Variants in ANKHD1 observed in about 807,000 individuals in gnomAD.
The protein encoded by ANKHD1 is ankyrin repeat and KH domain-containing protein 1.
ANKHD1 carries 31 observed loss-of-function variants against 230.5 expected under a neutral mutation model. That is an observed-to-expected ratio of 0.13 (90% CI 0.10 to 0.18). ANKHD1 has a LOEUF of 0.18. ANKHD1 is among the 10% of genes least tolerant of loss of function. The probability of loss-of-function intolerance (pLI) is 1.00; values close to 1 mark genes in which losing one functional copy is unlikely to be tolerated. For missense variants in ANKHD1, 2,256 were observed against 3,071.3 expected (o/e 0.73, Z 6.27); for synonymous variants, 1,074 against 1,117.6 (o/e 0.96, Z 0.78).
chr5:140,476,207 TA>T (rs1357988942), intron 10 of ANKHD1, among the ~76,000 whole-genome samples: 1 of 151,590 alleles, frequency 6.6e-6, no homozygotes, highest in East Asian at 1.9e-4. Flanking sequence ...AGTAAAGAGA[TA>T]GAAAATATGA....
Position 140,529,655 on chromosome 5 carries a change from G to GTTT in ANKHD1, c.6711_6712insTTT (p.Val2237_Ala2238insPhe), listed in dbSNP as rs1425821774. 42 of 1,614,226 alleles carry GTTT rather than the reference G, an allele frequency of 2.6e-5. No homozygotes were observed. The highest frequency in any genetic ancestry group is 3.6e-5 in the Non-Finnish European group (42 of 1,180,038). ...GGGAGATGGTCCACTGTCCTCACGA[G>GTTT]TTGCTACAGATGCCTCTTTCACTGT... On this transcript the variant is annotated inframe_insertion, in exon 29 of 34. Transcript: ENST00000360839.
At chr5:140,525,519 G>A (rs1753563096) in intron 25 of ANKHD1, among the ~76,000 whole-genome samples, 1 of 152,144 alleles carries the variant, frequency 6.6e-6, no homozygotes, top group African/African-American at 2.4e-5. Flanking sequence ...ACCTGCCTTG[G>A]CCTCCCACAG....
rs903415039 is a variant in ANKHD1 at position 140,529,281 on chromosome 5, T to C, written c.6335T>C (p.Met2112Thr). The C allele has an allele frequency of 6.2e-7, 1 of 1,614,092 alleles. No individual in the cohort carries two copies. Among genetic ancestry groups the C allele is most frequent in the Non-Finnish European group, 8.5e-7 (1 of 1,180,040 alleles). ...PAPLTLTSPR[M>T]VAADNQDTSN... ...CCATTGACTTTGACATCACCCAGAA[T>C]GGTTGCTGCTGATAATCAGGACACC... Residue 2112 changes from methionine (M) to threonine (T), a missense_variant, in exon 29 of 34, where the codon ATG (methionine) becomes ACG (threonine). Met to Thr is a moderately conservative substitution (Grantham distance 81). Coordinates refer to ENST00000360839, the MANE Select transcript of ANKHD1 (RefSeq NM_017747.3).
intron 2 of ANKHD1, among the ~76,000 whole-genome samples, chr5:140,436,760 A>G (rs72798875): frequency 2.0e-3 from 306 of 152,208 alleles, no homozygotes; most frequent in Non-Finnish European, 3.1e-3. Flanking sequence ...AAAAAAAAAA[A>G]AGATAATCAG....
At chr5:140,409,074 C>T (rs1378240362) in intron 1 of ANKHD1, among the ~76,000 whole-genome samples, 2 of 152,102 alleles carry the variant, frequency 1.3e-5, no homozygotes, top group Non-Finnish European at 1.5e-5. Flanking sequence ...CAAATGTCTC[C>T]TAGGGACAAA....
At chr5:140,426,318 A>G (rs1772402913) in intron 1 of ANKHD1, among the ~76,000 whole-genome samples, 1 of 151,988 alleles carries the variant, frequency 6.6e-6, no homozygotes, top group African/African-American at 2.4e-5. Context: ...TGGTAGAGAC[A>G]GGATTTTGCC....
chr5:140,537,729 A>G (rs1754145135), intron 31 of ANKHD1, 140 bp downstream of exon 31: 2 of 1,317,266 alleles, frequency 1.5e-6, no homozygotes, highest in African/African-American at 1.5e-5. Context: ...GGGTGTTTAT[A>G]TCTTTGAGGA....
intron 30 of ANKHD1, among the ~76,000 whole-genome samples, chr5:140,536,175 C>T (rs1399792978): frequency 2.0e-5 from 3 of 152,342 alleles, no homozygotes; most frequent in East Asian, 3.9e-4. Flanking sequence ...TTCACTCCAC[C>T]TTCTGCCTCC....
intron 14 of ANKHD1, 146 bp from the exon 15 acceptor site, chr5:140,496,374 C>G: frequency 1.2e-6 from 1 of 807,226 alleles, no homozygotes; most frequent in Non-Finnish European, 1.8e-6. Flanking sequence ...TCTGAACATT[C>G]ATTCTATAAC....
Position 140,441,154 on chromosome 5 carries a change from A to T in ANKHD1, c.913+12A>T. 6.5e-7 allele frequency: 1 copy of T among 1,545,940 alleles called. No individual in the cohort carries two copies. Among genetic ancestry groups the T allele is most frequent in the Non-Finnish European group, 8.7e-7 (1 of 1,149,886 alleles). On this transcript the variant is annotated intron_variant, in intron 5 of 33. Transcript: ENST00000360839. ...CCAGTCTGCAACAGGTATGTAGAAA[A>T]TGATGTATTAATTGGGAGAAAAAAT...
At chr5:140,514,176 T>C in intron 24 of ANKHD1, among the ~76,000 whole-genome samples, 3 of 132,036 alleles carry the variant, frequency 2.3e-5, no homozygotes, top group Admixed American at 8.2e-5. Context: ...AGATCGAGAC[T>C]CTCTCTCTAT....
chr5:140,489,201 AAAAC>A (rs1382588102), intron 14 of ANKHD1, among the ~76,000 whole-genome samples: 1 of 151,940 alleles, frequency 6.6e-6, no homozygotes, highest in Non-Finnish European at 1.5e-5. Flanking sequence ...AAAAAAAAAA[AAAAC>A]CAGAAAAAGA....
Position 140,449,251 on chromosome 5 carries a change from A to C in ANKHD1, c.1188A>C (p.Ala396=). 1 of 1,613,834 alleles carries C rather than the reference A, an allele frequency of 6.2e-7. No individual in the cohort carries two copies. Among genetic ancestry groups the C allele is most frequent in the Non-Finnish European group, 8.5e-7 (1 of 1,179,830 alleles). The change falls in exon 7 of 34, where the codon GCA becomes GCC. Residue 396 remains alanine (A), a synonymous_variant. Coordinates refer to ENST00000360839, the MANE Select transcript of ANKHD1 (RefSeq NM_017747.3). ...TTCGCTTTCTACTTGAAGCTGGTGC[A>C]GATCAAGAGCACAAAACAGATGAGA... The part of the protein sequence containing the change: ...DMVRFLLEAG[A]DQEHKTDEMH...
Position 140,464,760 on chromosome 5 carries a change from A to G in ANKHD1, c.1766A>G (p.Gln589Arg). The G allele has an allele frequency of 6.2e-7, 1 of 1,603,782 alleles. No homozygotes were observed. The highest frequency in any genetic ancestry group is 8.5e-7 in the Non-Finnish European group (1 of 1,172,830). Residue 589 changes from glutamine to arginine, a missense_variant, in exon 10 of 34, where the codon CAA (glutamine) becomes CGA (arginine). This residue lies in a region of ANKHD1 where 179 missense variants were observed against 261.8 expected (regional missense o/e 0.68). Transcript: ENST00000360839. ...ACGGATGTTGCAGATGTTTTACTTC[A>G]AGCAGGGGCTGATTTAGTAAGATAT... Reference protein sequence around the residue: ...GHTDVADVLLQAGADLEHESE... With the variant: ...GHTDVADVLLRAGADLEHESE...
In ANKHD1 at chr5:140,528,858, C is replaced by T; in HGVS notation, c.5912C>T (p.Pro1971Leu). The T allele has an allele frequency of 1.2e-6, 2 of 1,614,074 alleles. No individual in the cohort carries two copies. The highest frequency in any genetic ancestry group is 1.1e-5 in the South Asian group (1 of 91,076). The change falls in exon 29 of 34, where the codon CCT becomes CTT. Residue 1971 changes from proline (P) to leucine (L), a missense_variant. Physicochemically the swap from Pro to Leu is moderately conservative, Grantham distance 98. This residue lies in a region of ANKHD1 where 778 missense variants were observed against 966.5 expected (regional missense o/e 0.80). Transcript: ENST00000360839. ...QLFACVPKTS[P>L]PATVISSVTS... ...TTTGCCTGTGTGCCTAAGACAAGTC[C>T]TCCAGCAACAGTGATTTCTTCTGTG...
At chr5:140,458,526 TCTTC>T in intron 7 of ANKHD1, 95 bp from the exon 8 acceptor site, 1 of 1,270,942 alleles carries the variant, frequency 7.9e-7, no homozygotes, top group Non-Finnish European at 1.1e-6. Flanking sequence ...TTGTCTTTTT[TCTTC>T]CTTTTTCCAA....
At chr5:140,445,391 C>T (rs902849257) in intron 5 of ANKHD1, among the ~76,000 whole-genome samples, 1 of 152,100 alleles carries the variant, frequency 6.6e-6, no homozygotes, top group Non-Finnish European at 1.5e-5. Context: ...GTAATCCCAG[C>T]TACTCAGGAG....
At chr5:140,420,793 G>T (rs1351766618) in intron 1 of ANKHD1, among the ~76,000 whole-genome samples, 2 of 152,082 alleles carry the variant, frequency 1.3e-5, no homozygotes, top group East Asian at 3.9e-4. Context: ...ATTTTTCATT[G>T]TTGTTTTGGT....
intron 25 of ANKHD1, among the ~76,000 whole-genome samples, chr5:140,525,705 T>C (rs1561830978): frequency 6.6e-6 from 1 of 151,908 alleles, no homozygotes; most frequent in African/African-American, 2.4e-5. Context: ...CTGTCTCTAC[T>C]AAAAGTACAA....
Sources: allele counts gnomAD v4.1 joint callset (sites outside exome capture counted in the v4.1 genomes callset), GRCh38; gene constraint gnomAD v4.1.1; regional missense constraint gnomAD v4.1.1; transcripts MANE v1.5; gene names NCBI Gene and HGNC (gene_info 2026-07-23, HGNC 2026-07-21).